The following DCAF8L2 variants were observed in gnomAD, a reference collection of about 807,000 sequenced individuals.
DCAF8L2 encodes DDB1 and CUL4 associated factor 8 like 2, also known as DDB1- and CUL4-associated factor 8-like protein 2.
For missense variants in DCAF8L2, 430 were observed against 490.7 expected (o/e 0.88, Z 1.17); for synonymous variants, 200 against 190.9 (o/e 1.05, Z -0.39).
At chrX:27,656,799 G>T (rs914009192) in intron 2 of DCAF8L2, among the ~76,000 whole-genome samples, 2 of 111,735 alleles carry the variant, frequency 1.8e-5, no homozygotes, top group Admixed American at 1.9e-4. Context: ...TATTCTATGG[G>T]TCAAAGCCAA....
the DCAF8L2 span, among the ~76,000 whole-genome samples, chrX:27,502,964 C>T: frequency 2.7e-5 from 3 of 111,809 alleles, no homozygotes; most frequent in African/African-American, 6.5e-5. Context: ...TACTTCCATA[C>T]ATTGCATACA....
chrX:27,713,857 T>C (rs778419963), intron 3 of DCAF8L2, among the ~76,000 whole-genome samples: 10 of 111,355 alleles, frequency 9.0e-5, no homozygotes, highest in Non-Finnish European at 1.7e-4. Context: ...TGGCCACTGA[T>C]ATTAAGAGAA....
the DCAF8L2 span, among the ~76,000 whole-genome samples, chrX:27,491,839 G>C: frequency 4.5e-5 from 5 of 111,489 alleles, no homozygotes; most frequent in Non-Finnish European, 9.4e-5. Context: ...CATTAACAGT[G>C]ATAATGTTTT....
chrX:27,673,568 A>T (rs1287213362), intron 2 of DCAF8L2, among the ~76,000 whole-genome samples: 2 of 108,350 alleles, frequency 1.8e-5, no homozygotes, highest in Non-Finnish European at 3.8e-5. Flanking sequence ...AATAATAATA[A>T]TTTTTAACCT....
intron 2 of DCAF8L2, among the ~76,000 whole-genome samples, chrX:27,669,030 G>T (rs991394721): frequency 9.0e-6 from 1 of 111,009 alleles, no homozygotes; most frequent in African/African-American, 3.3e-5. Context: ...GGAAAGACAT[G>T]TGCACACAGA....
At chrX:27,718,465 A>T (rs933653902) in intron 4 of DCAF8L2, among the ~76,000 whole-genome samples, 1 of 111,787 alleles carries the variant, frequency 8.9e-6, no homozygotes. Context: ...GGTTAATTTT[A>T]TGTGTCAACT....
chrX:27,532,639 A>G, the DCAF8L2 span, among the ~76,000 whole-genome samples: 1 of 111,086 alleles, frequency 9.0e-6, no homozygotes, highest in African/African-American at 3.3e-5. Context: ...GGCTTGCACC[A>G]GTAATCCCAG....
chrX:27,683,374 T>C (rs896002253), intron 3 of DCAF8L2, among the ~76,000 whole-genome samples: 25 of 111,944 alleles, frequency 2.2e-4, no homozygotes, highest in African/African-American at 7.8e-4. Context: ...AAGTGAATAG[T>C]ATTTGCTCAC....
chrX:27,595,565 A>G (rs1053710362), intron 1 of DCAF8L2, among the ~76,000 whole-genome samples: 1 of 111,713 alleles, frequency 9.0e-6, no homozygotes, highest in African/African-American at 3.3e-5. Context: ...TCATAACTCC[A>G]TTTCATTTTC....
chrX:27,665,781 G>A (rs1047848426), intron 2 of DCAF8L2, among the ~76,000 whole-genome samples: 1 of 111,893 alleles, frequency 8.9e-6, no homozygotes, highest in Non-Finnish European at 1.9e-5. Context: ...ATCATGACTC[G>A]CTGAGGGCTC....
chrX:27,584,765 G>T, the DCAF8L2 span, among the ~76,000 whole-genome samples: 1 of 111,831 alleles, frequency 8.9e-6, no homozygotes, highest in South Asian at 3.7e-4. Flanking sequence ...TTCATAAAAA[G>T]AATTAACATA....
At chrX:27,505,901 A>G in the DCAF8L2 span, among the ~76,000 whole-genome samples, 1 of 112,013 alleles carries the variant, frequency 8.9e-6, no homozygotes, top group African/African-American at 3.2e-5. Context: ...AGTTTGGGGT[A>G]ATTTGTCACA....
intron 4 of DCAF8L2, among the ~76,000 whole-genome samples, chrX:27,732,127 CTTAT>C (rs1222111736): frequency 3.6e-5 from 4 of 111,604 alleles, no homozygotes; most frequent in Non-Finnish European, 7.5e-5. Context: ...CATAGTTACC[CTTAT>C]TTGTGATAAG....
At chrX:27,535,394 A>G in the DCAF8L2 span, among the ~76,000 whole-genome samples, 49,072 of 110,658 alleles carry the variant, frequency 0.44, 9,205 homozygotes, top group South Asian at 0.68. Flanking sequence ...CATCATAATT[A>G]TGACATTTAC....
At chrX:27,625,684 A>G (rs1375633383) in intron 1 of DCAF8L2, among the ~76,000 whole-genome samples, 3 of 112,155 alleles carry the variant, frequency 2.7e-5, no homozygotes, top group Non-Finnish European at 3.8e-5. Flanking sequence ...CAGCCATAAA[A>G]AGAATGAGAT....
chrX:27,714,836 C>G (rs928247436), intron 3 of DCAF8L2, among the ~76,000 whole-genome samples: 2 of 112,040 alleles, frequency 1.8e-5, no homozygotes, highest in Non-Finnish European at 3.8e-5. Context: ...TTGCCTCAGT[C>G]TTTTGAGTAA....
the DCAF8L2 span, among the ~76,000 whole-genome samples, chrX:27,579,895 A>G: frequency 9.2e-6 from 1 of 108,904 alleles, no homozygotes; most frequent in Non-Finnish European, 1.9e-5. Context: ...GTTATTTTAA[A>G]GATGATATAA....
chrX:27,520,115 A>C, the DCAF8L2 span, among the ~76,000 whole-genome samples: 1 of 112,058 alleles, frequency 8.9e-6, no homozygotes, highest in Non-Finnish European at 1.9e-5. Flanking sequence ...GTAAAACTTC[A>C]ATCAAATTGA....
chrX:27,591,797 C>A (rs755979685), intron 1 of DCAF8L2, among the ~76,000 whole-genome samples: 35 of 111,921 alleles, frequency 3.1e-4, no homozygotes, highest in Non-Finnish European at 4.9e-4. Flanking sequence ...GTCTTTTTAA[C>A]TATGTCTGAC....
Sources: allele counts gnomAD v4.1 joint callset (sites outside exome capture counted in the v4.1 genomes callset), GRCh38; gene constraint gnomAD v4.1.1; transcripts MANE v1.5; gene names NCBI Gene and HGNC (gene_info 2026-07-23, HGNC 2026-07-21).